The following PLCD3 variants were observed in gnomAD, a reference collection of about 807,000 sequenced individuals.
PLCD3 encodes the protein phospholipase C delta 3.
Under a neutral mutation model 82.8 loss-of-function variants are expected in PLCD3, and 62 were observed. The ratio of observed to expected loss-of-function variants is 0.75; its 90% confidence interval spans 0.61 to 0.93. The LOEUF (loss-of-function observed/expected upper bound fraction) is 0.93, where lower values mean the gene tolerates loss of function less well. Among genes scored for constraint, PLCD3 ranks in the 40% least tolerant of loss-of-function variants. The pLI is 0.00. For missense variants in PLCD3, 1,023 were observed against 1,103.4 expected (o/e 0.93, Z 1.03); for synonymous variants, 478 against 471.8 (o/e 1.01, Z -0.17).
At chr17:45,124,087 A>T (rs2054363472) in intron 1 of PLCD3, among the ~76,000 whole-genome samples, 2 of 152,088 alleles carry the variant, frequency 1.3e-5, no homozygotes, top group Admixed American at 1.3e-4. Context: ...GGCCATGGGA[A>T]GGGGGACTGC....
At chr17:45,114,870 C>T (rs1432524932) in intron 10 of PLCD3, among the ~76,000 whole-genome samples, 1 of 152,100 alleles carries the variant, frequency 6.6e-6, no homozygotes, top group African/African-American at 2.4e-5. Flanking sequence ...CTATGGCCGG[C>T]CCCACCACAG....
chr17:45,131,172 G>T (rs546831754), intron 1 of PLCD3, among the ~76,000 whole-genome samples: 1 of 152,230 alleles, frequency 6.6e-6, no homozygotes, highest in African/African-American at 2.4e-5. Flanking sequence ...CCCAGACATA[G>T]TCAGCGCTCA....
rs770156746 is a variant in PLCD3 at position 45,119,013 on chromosome 17, C to G, written c.715G>C (p.Glu239Gln). The change falls in exon 5 of 15, where the codon GAG becomes CAG. Residue 239 changes from glutamate (E) to glutamine (Q), a missense_variant. This residue lies in a region of PLCD3 where 448 missense variants were observed against 406.3 expected (regional missense o/e 1.10). Coordinates refer to ENST00000619929, the MANE Select transcript of PLCD3 (RefSeq NM_133373.5). ...AGGAACTCCTCGATCTCAGCCCCCT[C>G]TAGACGGTCGTTGTTGGAGTGGTCA... ...ECDHSNNDRL[E>Q]GAEIEEFLRR... 6.2e-7 allele frequency: 1 copy of G among 1,611,500 alleles called. No homozygotes were observed. The highest frequency in any genetic ancestry group is 8.5e-7 in the Non-Finnish European group (1 of 1,179,264).
Position 45,116,766 on chromosome 17 carries a change from T to G in PLCD3, c.1279A>C (p.Ile427Leu), listed in dbSNP as rs1389777466. ...HAFTLSPYPV[I>L]LSLENHCGLE... is the part of the protein sequence containing the mutation. ...CCGCAGTGGTTCTCCAGGGATAGGATGACAGGGTAAGGGGACAGCTGTGGG... is the reference window on the plus strand; with the variant it reads ...CCGCAGTGGTTCTCCAGGGATAGGAGGACAGGGTAAGGGGACAGCTGTGGG... The change falls in exon 8 of 15, where the codon ATC becomes CTC. Residue 427 changes from isoleucine to leucine, a missense_variant. By Grantham distance (5) the Ile-to-Leu change is conservative. This residue lies in a region of PLCD3 where 553 missense variants were observed against 655.7 expected (regional missense o/e 0.84). Coordinates refer to ENST00000619929, the MANE Select transcript of PLCD3 (RefSeq NM_133373.5). The G allele has an allele frequency of 6.2e-7, 1 of 1,603,562 alleles. No individual in the cohort carries two copies. The highest frequency in any genetic ancestry group is 8.5e-7 in the Non-Finnish European group (1 of 1,174,350).
At position 45,116,673 on chromosome 17, in the gene PLCD3, C is replaced by T. The variant is rs1289577927; in HGVS notation, c.1372G>A (p.Ala458Thr). ...TCCTCGGGATTTGGGGAGTCCAGCG[C>T]CTGTGTCACCAGCATGTCCCCCAGG... ...TILGDMLVTQALDSPNPEELP... is the reference protein window; with the variant it reads ...TILGDMLVTQTLDSPNPEELP... Residue 458 changes from alanine to threonine, a missense_variant, in exon 8 of 15, where the codon GCG (alanine) becomes ACG (threonine). Around this residue, in one of 3 missense-constraint regions of PLCD3, gnomAD observed 553 missense variants for 655.7 expected, o/e 0.84. Coordinates refer to ENST00000619929, the MANE Select transcript of PLCD3 (RefSeq NM_133373.5). 4.3e-6 allele frequency: 7 copies of T among 1,609,772 alleles called. No homozygotes were observed. Among genetic ancestry groups the T allele is most frequent in the African/African-American group, 1.3e-5 (1 of 74,678 alleles).
chr17:45,113,839 C>T (rs1242603035), intron 11 of PLCD3, among the ~76,000 whole-genome samples: 1 of 152,046 alleles, frequency 6.6e-6, no homozygotes, highest in African/African-American at 2.4e-5. Context: ...AAAAAGCCCC[C>T]ACCCTCAGGG....
intron 10 of PLCD3, 40 bp from the exon 11 acceptor site, chr17:45,114,406 G>A (rs771022670): frequency 6.7e-5 from 100 of 1,498,838 alleles, no homozygotes; most frequent in Non-Finnish European, 8.5e-5. Context: ...AGACTCCGGG[G>A]GTCCCTCACC....
rs2054326246 is a variant in PLCD3 at position 45,120,347 on chromosome 17, A to G, written c.662T>C (p.Met221Thr). Residue 221 changes from methionine to threonine, a missense_variant, in exon 4 of 15, where the codon ATG (methionine) becomes ACG (threonine). Around this residue, in one of 3 missense-constraint regions of PLCD3, gnomAD observed 448 missense variants for 406.3 expected, o/e 1.10. Transcript: ENST00000619929. ...LRMVNVDMND[M>T]YAYLLFKECD... ...CACCTTGAAGAGGAGGTAGGCGTAC[A>G]TGTCGTTCATGTCCACGTTGACCAT... 1 of 1,614,010 alleles carries G rather than the reference A, an allele frequency of 6.2e-7. No homozygotes were observed. The highest frequency in any genetic ancestry group is 8.5e-7 in the Non-Finnish European group (1 of 1,179,866).
In PLCD3 at chr17:45,112,996, C is replaced by T. The variant is rs2054258658; in HGVS notation, c.2148G>A (p.Trp716Ter). ...YVLNNGFNPR[W>*]GQTLQFQLRA... ...GCAGCTGGAACTGCAGGGTCTGCCCCCAGCGGGGGTTGAAGCCTAGGGCAC... is the reference window on the plus strand; with the variant it reads ...GCAGCTGGAACTGCAGGGTCTGCCCTCAGCGGGGGTTGAAGCCTAGGGCAC... Residue 716 changes from tryptophan to a stop codon, truncating the protein, a stop_gained, in exon 14 of 15, where the codon TGG (tryptophan) becomes TGA (stop). Transcript: ENST00000619929. LOFTEE classifies it high-confidence loss of function. 1.2e-6 allele frequency: 2 copies of T among 1,607,212 alleles called. No homozygotes were observed. Among genetic ancestry groups the T allele is most frequent in the African/African-American group, 2.7e-5 (2 of 74,792 alleles).
chr17:45,116,849 G>A, intron 7 of PLCD3, 65 bp from the exon 8 acceptor site: 1 of 1,490,716 alleles, frequency 6.7e-7, no homozygotes, highest in Non-Finnish European at 8.9e-7. Flanking sequence ...CCCAACATCT[G>A]GCTCCCAGAC....
chr17:45,131,941 C>G (rs1362500948), intron 1 of PLCD3, among the ~76,000 whole-genome samples: 1 of 152,198 alleles, frequency 6.6e-6, no homozygotes, highest in African/African-American at 2.4e-5. Flanking sequence ...ACACCCCAAG[C>G]CTCCCTCTCC....
rs1277252318 is a variant in PLCD3 at position 45,120,922 on chromosome 17, G to T, written c.534C>A (p.Ser178Arg). ...GATATTGGTCTAGCCGCTCGCGCTGGCTCATGGCGTCCAGGCGCGCGCGGA... is the reference window on the plus strand; with the variant it reads ...GATATTGGTCTAGCCGCTCGCGCTGTCTCATGGCGTCCAGGCGCGCGCGGA... ...TKLRARLDAMSQRERLDHWIH... is the reference protein window; with the variant it reads ...TKLRARLDAMRQRERLDHWIH... The change falls in exon 3 of 15, where the codon AGC becomes AGA. Residue 178 changes from serine (S) to arginine (R), a missense_variant. By Grantham distance (110) the Ser-to-Arg change is moderately radical (BLOSUM62 -1). Coordinates refer to ENST00000619929, the MANE Select transcript of PLCD3 (RefSeq NM_133373.5). 1 of 1,452,698 alleles carries T rather than the reference G, an allele frequency of 6.9e-7. No individual in the cohort carries two copies. 90.0% of individuals were successfully genotyped at this position (1,452,698 alleles called of 1,614,324 possible). A position where few individuals can be genotyped will look rare whatever the true frequency, so the allele number is the denominator to read the frequency against.
chr17:45,129,690 C>T (rs1479240833), intron 1 of PLCD3, among the ~76,000 whole-genome samples: 1 of 152,232 alleles, frequency 6.6e-6, no homozygotes, highest in Admixed American at 6.5e-5. Flanking sequence ...CAGTGCCTCA[C>T]GCATGGCGGG....
chr17:45,119,740 AT>A (rs149428737), intron 4 of PLCD3, among the ~76,000 whole-genome samples: 2,078 of 152,346 alleles, frequency 0.014, 29 homozygotes, highest in Middle Eastern at 0.041. Flanking sequence ...GTCAATGAGA[AT>A]TCATGGAGCA....
At position 45,121,051 on chromosome 17, in the gene PLCD3, TG is replaced by T. The variant is rs2054334316; in HGVS notation, c.404del (p.Pro135GlnfsTer33). 6.5e-7 allele frequency: 1 copy of T among 1,540,498 alleles called. No individual in the cohort carries two copies. Among genetic ancestry groups the T allele is most frequent in the East Asian group, 2.5e-5 (1 of 40,726 alleles). On this transcript the variant is annotated frameshift_variant, in exon 3 of 15. Coordinates refer to ENST00000619929, the MANE Select transcript of PLCD3 (RefSeq NM_133373.5). LOFTEE classifies it high-confidence loss of function. ...GLRRFGGAFAPARCLTIAFKG... is the reference protein window; with the variant it reads ...GLRRFGGAFAXARCLTIAFKG... ...TGAAGGCGATGGTGAGGCAGCGCGC[TG>T]GCGCGAAGGCACCCCCGAAGCGCCG...
intron 1 of PLCD3, among the ~76,000 whole-genome samples, chr17:45,126,385 G>A (rs1238275947): frequency 7.3e-5 from 8 of 109,514 alleles, no homozygotes; most frequent in African/African-American, 1.9e-4. Context: ...ACAGCATCTC[G>A]TTCTGTTGCC....
chr17:45,127,196 G>A (rs957901952), intron 1 of PLCD3, among the ~76,000 whole-genome samples: 1 of 152,158 alleles, frequency 6.6e-6, no homozygotes, highest in Admixed American at 6.5e-5. Flanking sequence ...TTAGTGCCCC[G>A]GGTGGAAAGA....
Position 45,132,130 on chromosome 17 carries a change from C to G in PLCD3, c.163+118G>C. On this transcript the variant is annotated intron_variant, in intron 1 of 14. Coordinates refer to ENST00000619929, the MANE Select transcript of PLCD3 (RefSeq NM_133373.5). This position sits in a 1 kb window ranked among gnomAD's most constrained non-coding sequence, Gnocchi z 4.6. The stretch of plus-strand genomic sequence containing the variant: ...GAGGGAGCTGGCCCTCCGCCCCTAG[C>G]CATAGCCTCCCAGCCCCGTGCAGCC... 1 of 1,106,624 alleles carries G rather than the reference C, an allele frequency of 9.0e-7. No homozygotes were observed. The highest frequency in any genetic ancestry group is 1.1e-6 in the Non-Finnish European group (1 of 875,254). The allele number at this position is 1,106,624 out of a possible 1,614,324, so 68.6% of individuals were successfully genotyped here. A position where few individuals can be genotyped will look rare whatever the true frequency, so the allele number is the denominator to read the frequency against.
chr17:45,125,086 G>A (rs1420879023), intron 1 of PLCD3, among the ~76,000 whole-genome samples: 3 of 151,712 alleles, frequency 2.0e-5, no homozygotes, highest in African/African-American at 7.3e-5. Flanking sequence ...CAGTACTTTG[G>A]AAGGCCGAAG....
Sources: gnomAD v4.1 joint callset for allele counts (sites outside exome capture counted in the v4.1 genomes callset) on GRCh38, gnomAD v4.1.1 for gene constraint, gnomAD v4.1.1 regional missense constraint, Gnocchi (gnomAD v3.1) non-coding constraint, MANE v1.5 for transcripts, NCBI Gene and HGNC (gene_info 2026-07-23, HGNC 2026-07-21) for gene names.